The following TENM2 variants were observed in gnomAD, a reference collection of about 807,000 sequenced individuals.
The protein encoded by TENM2 is teneurin-2.
Under a neutral mutation model 245.2 loss-of-function variants are expected in TENM2, and 52 were observed. That is an observed-to-expected ratio of 0.21 (90% confidence interval 0.17 to 0.27). The LOEUF (loss-of-function observed/expected upper bound fraction) is 0.27, where lower values mean the gene tolerates loss of function less well. Among genes scored for constraint, TENM2 ranks in the 10% least tolerant of loss-of-function variants. The probability of loss-of-function intolerance (pLI) is 1.00; values close to 1 mark genes in which losing one functional copy is unlikely to be tolerated. For missense variants in TENM2, 3,046 were observed against 3,666.8 expected, an observed-to-expected ratio of 0.83 and a Z score of 4.37; for synonymous variants, 1,363 against 1,438.9, an observed-to-expected ratio of 0.95 and a Z score of 1.19.
At position 167,298,465 on chromosome 5, in the gene TENM2, A is replaced by T. The variant is rs573818841; in HGVS notation, c.226+13402A>T. 3.3e-5 allele frequency among the ~76,000 whole-genome samples: 5 copies of T among 152,210 alleles called. 1 individual carries two copies. In the East Asian group the frequency reaches 5.8e-4, roughly 18 times the overall value. ...AAAAATACAAAAAATTAGCCGGGCG[A>T]GGTGGCGGGCGCCTGAAGTCCCAGC... On this transcript the variant is annotated intron_variant, in intron 1 of 28. Coordinates refer to ENST00000518659, the Ensembl canonical transcript of TENM2.
At position 168,214,855 on chromosome 5, in the gene TENM2, T is replaced by C. The variant is rs1025580945; in HGVS notation, c.3846-185T>C. On this transcript the variant is annotated intron_variant, in intron 20 of 28. Coordinates refer to ENST00000518659, the Ensembl canonical transcript of TENM2. ...ATAGCATAAGAAGCATAAGTCCAAT[T>C]AGAAGTAGCTAAGAACCATGATGTG... is the stretch of plus-strand genomic sequence containing the variant. 3 of 689,834 alleles carry C rather than the reference T, an allele frequency of 4.3e-6. No individual in the cohort carries two copies. The African/African-American group carries it at 5.3e-5, about 12-fold the overall frequency. The allele number at this position is 689,834 out of a possible 1,614,324, so 42.7% of individuals were successfully genotyped here. A position where few individuals can be genotyped will look rare whatever the true frequency, so the allele number is the denominator to read the frequency against.
chr5:167,254,755 G>A, the TENM2 span, among the ~76,000 whole-genome samples: 6 of 152,120 alleles, frequency 3.9e-5, no homozygotes, highest in Non-Finnish European at 7.4e-5. Context: ...ATCAGGGAAG[G>A]TCTTTTTGTA....
chr5:168,180,594 T>C (rs1439265047), intron 13 of TENM2, among the ~76,000 whole-genome samples: 1 of 152,188 alleles, frequency 6.6e-6, no homozygotes, highest in Non-Finnish European at 1.5e-5. Flanking sequence ...TTGAGAATCT[T>C]CTTTAAAATG....
rs550734127 is a variant in TENM2 at position 167,840,325 on chromosome 5, A to G, written c.503-35661A>G. 2.0e-4 allele frequency among the ~76,000 whole-genome samples: 31 copies of G among 152,350 alleles called. No individual in the cohort carries two copies. In the South Asian group the frequency reaches 6.2e-3, roughly 31 times the overall value. On this transcript the variant is annotated intron_variant, in intron 2 of 28. Coordinates refer to ENST00000518659, the Ensembl canonical transcript of TENM2. ...ACAAATGGCTTTGGGATCCAACTCT[A>G]CAGTGTGACACATGGATCTAATAAT...
chr5:167,452,297 G>A (rs1395737462), intron 2 of TENM2, among the ~76,000 whole-genome samples: 4 of 152,154 alleles, frequency 2.6e-5, no homozygotes, highest in Non-Finnish European at 4.4e-5. Flanking sequence ...GGAAGGTTCC[G>A]TGGGAGGAGG....
intron 12 of TENM2, chr5:168,129,558 C>T (rs1754381935): frequency 6.6e-6 from 1 of 152,170 alleles, no homozygotes; most frequent in Non-Finnish European, 1.5e-5. Context: ...CATGTGCCAT[C>T]TCCTCATAGT....
At chr5:167,515,652 C>CATATATATGTAT (rs1250314783) in intron 2 of TENM2, among the ~76,000 whole-genome samples, 1 of 121,816 alleles carries the variant, frequency 8.2e-6, no homozygotes, top group African/African-American at 3.4e-5. Context: ...TATATATACA[C>CATATATATGTAT]ATATATACGT....
At chr5:167,553,822 T>G (rs541463329) in intron 2 of TENM2, among the ~76,000 whole-genome samples, 1 of 151,960 alleles carries the variant, frequency 6.6e-6, no homozygotes, top group South Asian at 2.1e-4. Flanking sequence ...AATACCAGAG[T>G]CCCCTCCTTC....
intron 27 of TENM2, among the ~76,000 whole-genome samples, chr5:168,256,773 T>A (rs1767709444): frequency 6.6e-6 from 1 of 151,514 alleles, no homozygotes. Context: ...AGATGCCAAG[T>A]CTTTCAATGA....
intron 3 of TENM2, among the ~76,000 whole-genome samples, chr5:167,892,416 C>T (rs1297445846): frequency 6.6e-6 from 1 of 152,130 alleles, no homozygotes; most frequent in Non-Finnish European, 1.5e-5. Context: ...TTTAACAGGG[C>T]CTCTAGGCAG....
chr5:167,580,286 G>C (rs1330822681), intron 2 of TENM2, among the ~76,000 whole-genome samples: 1 of 152,230 alleles, frequency 6.6e-6, no homozygotes. Context: ...AGGGAATTAT[G>C]TAGAAAAATC....
intron 6 of TENM2, among the ~76,000 whole-genome samples, chr5:168,060,083 G>A (rs1789902641): frequency 6.6e-6 from 1 of 152,062 alleles, no homozygotes; most frequent in African/African-American, 2.4e-5. Flanking sequence ...CATTAGAAAA[G>A]TTAGCCAACA....
At chr5:167,250,364 G>A in the TENM2 span, among the ~76,000 whole-genome samples, 1 of 152,006 alleles carries the variant, frequency 6.6e-6, no homozygotes, top group Non-Finnish European at 1.5e-5. Flanking sequence ...AGGTTAAAAG[G>A]ATGTAAAATA....
chr5:167,454,635 G>A (rs929413578), intron 2 of TENM2, among the ~76,000 whole-genome samples: 8 of 151,772 alleles, frequency 5.3e-5, no homozygotes, highest in East Asian at 1.9e-4. Flanking sequence ...CTCTCTCCTC[G>A]CCCTGCCCCA....
intron 4 of TENM2, among the ~76,000 whole-genome samples, chr5:167,959,234 G>A (rs1401896908): frequency 3.5e-5 from 5 of 141,594 alleles, no homozygotes; most frequent in African/African-American, 1.1e-4. Flanking sequence ...TCGCTCTGTC[G>A]CCCAGGCTGG....
At chr5:167,430,824 T>C (rs1764174486) in intron 2 of TENM2, among the ~76,000 whole-genome samples, 2 of 152,230 alleles carry the variant, frequency 1.3e-5, no homozygotes, top group Admixed American at 1.3e-4. Context: ...TCATTCTGCC[T>C]ACAAATGTCA....
At chr5:168,253,104 C>T (rs35200122) in intron 27 of TENM2, among the ~76,000 whole-genome samples, 72,631 of 151,336 alleles carry the variant, frequency 0.48, 19,915 homozygotes, top group South Asian at 0.61. Flanking sequence ...GTAGCTGGGA[C>T]TACAGGCATG....
At chr5:167,740,244 T>A (rs1761086765) in intron 2 of TENM2, among the ~76,000 whole-genome samples, 1 of 152,188 alleles carries the variant, frequency 6.6e-6, no homozygotes, top group Non-Finnish European at 1.5e-5. Context: ...CTTCTCTTCA[T>A]TTACCCAGTC....
Position 167,515,482 on chromosome 5 carries a change from G to C in TENM2, c.502+140009G>C, listed in dbSNP as rs77880767. 1.5e-4 allele frequency among the ~76,000 whole-genome samples: 23 copies of C among 151,112 alleles called. 1 individual carries two copies. In the East Asian group the frequency reaches 4.3e-3, roughly 28 times the overall value. On this transcript the variant is annotated intron_variant, in intron 2 of 28. Coordinates refer to ENST00000518659, the Ensembl canonical transcript of TENM2. ...GTAGATCACCTTTTCATTGCCAATG[G>C]GTTCCAATAGCCAGGGCCTATGCTA... is the stretch of plus-strand genomic sequence containing the variant.
Sources: allele counts gnomAD v4.1 joint callset (sites outside exome capture counted in the v4.1 genomes callset), GRCh38; gene constraint gnomAD v4.1.1; transcripts MANE v1.5; gene names NCBI Gene and HGNC (gene_info 2026-07-23, HGNC 2026-07-21).